Variants in ARHGAP26 observed in about 807,000 individuals in gnomAD.
ARHGAP26 encodes the protein rho GTPase-activating protein 26.
ARHGAP26 carries 38 observed loss-of-function variants against 104.8 expected under a neutral mutation model. The observed-to-expected ratio is 0.36, with a 90% CI of 0.28 to 0.48. ARHGAP26 has a LOEUF of 0.48. ARHGAP26 is among the 20% of genes least tolerant of loss of function. ARHGAP26 has a pLI of 0.99. For missense variants in ARHGAP26, 704 were observed against 947.9 expected (o/e 0.74, Z 3.38); for synonymous variants, 341 against 340.0 (o/e 1.00, Z -0.03).
At chr5:143,097,779 G>A (rs1049872347) in intron 17 of ARHGAP26, among the ~76,000 whole-genome samples, 7 of 137,778 alleles carry the variant, frequency 5.1e-5, no homozygotes, top group Non-Finnish European at 1.1e-4. Context: ...CCAAGATTGC[G>A]CCACTGCATG....
At chr5:142,825,273 G>A (rs1331475470) in intron 1 of ARHGAP26, among the ~76,000 whole-genome samples, 1 of 152,220 alleles carries the variant, frequency 6.6e-6, no homozygotes, top group Non-Finnish European at 1.5e-5. Flanking sequence ...TGCTACTACT[G>A]CCATCCTTAT....
At chr5:142,777,703 T>A (rs768363371) in intron 1 of ARHGAP26, among the ~76,000 whole-genome samples, 37 of 152,060 alleles carry the variant, frequency 2.4e-4, no homozygotes, top group Admixed American at 1.4e-3. Context: ...GAGTAATGGC[T>A]TTTTGGATGG....
rs140090684 is a variant in ARHGAP26 at position 142,886,250 on chromosome 5, T to G, written c.486+851T>G. ...CCGGCCCTTTTTTTAAAATTTTAAT[T>G]CTTTTTGAACAGATACCATGCCAGT... On this transcript the variant is annotated intron_variant, in intron 5 of 22. Coordinates refer to ENST00000645722, the MANE Select transcript of ARHGAP26 (RefSeq NM_001135608.3). 4.2e-4 allele frequency among the ~76,000 whole-genome samples: 64 copies of G among 152,302 alleles called. No individual in the cohort carries two copies. In the East Asian group the frequency reaches 7.7e-3, roughly 18 times the overall value.
At chr5:143,213,848 T>A in intron 21 of ARHGAP26, 149 bp from the exon 22 acceptor site, 1 of 462,894 alleles carries the variant, frequency 2.2e-6, no homozygotes, top group African/African-American at 1.9e-5. Context: ...CTTTCCCACC[T>A]CATGTCTTGC....
intron 11 of ARHGAP26, among the ~76,000 whole-genome samples, chr5:142,986,931 G>A (rs1774832123): frequency 6.6e-6 from 1 of 152,176 alleles, no homozygotes; most frequent in African/African-American, 2.4e-5. Flanking sequence ...TTGAAATCAG[G>A]TAGTGTGATG....
At chr5:143,022,673 A>G (rs12654456) in intron 12 of ARHGAP26, among the ~76,000 whole-genome samples, 25,265 of 152,124 alleles carry the variant, frequency 0.17, 2,717 homozygotes, top group East Asian at 0.38. Flanking sequence ...GAGAGGGAGC[A>G]TGAAAGTGTC....
intron 20 of ARHGAP26, among the ~76,000 whole-genome samples, chr5:143,160,952 G>A (rs6897891): frequency 0.18 from 27,298 of 151,396 alleles, 2,588 homozygotes; most frequent in Non-Finnish European, 0.21. Context: ...CTGAGCTCTC[G>A]CTCAGGAAGC....
At chr5:142,891,409 G>A (rs1758643764) in intron 5 of ARHGAP26, among the ~76,000 whole-genome samples, 1 of 151,982 alleles carries the variant, frequency 6.6e-6, no homozygotes, top group South Asian at 2.1e-4. Flanking sequence ...TGCTGTGGGA[G>A]GAAGTTGCTA....
At chr5:143,141,769 C>G (rs1302699756) in intron 19 of ARHGAP26, among the ~76,000 whole-genome samples, 2 of 152,190 alleles carry the variant, frequency 1.3e-5, no homozygotes, top group Admixed American at 1.3e-4. Context: ...GTGAGTAATA[C>G]AGTGTCCATT....
chr5:143,165,090 G>A (rs1187831140), intron 20 of ARHGAP26: 1 of 152,210 alleles, frequency 6.6e-6, no homozygotes, highest in African/African-American at 2.4e-5. Flanking sequence ...CCCGTGTGCC[G>A]AACTAGGAAG....
chr5:143,213,702 C>T (rs913017946), intron 21 of ARHGAP26, among the ~76,000 whole-genome samples: 7 of 152,186 alleles, frequency 4.6e-5, no homozygotes, highest in Admixed American at 1.3e-4. Flanking sequence ...CCCAGCCTGC[C>T]CTCCCGCTGT....
intron 11 of ARHGAP26, among the ~76,000 whole-genome samples, chr5:142,953,479 G>C (rs1272810243): frequency 2.0e-5 from 3 of 152,034 alleles, no homozygotes; most frequent in Admixed American, 1.3e-4. Context: ...TACAGATGTG[G>C]TCCATCGTAG....
rs188364076 is a variant in ARHGAP26 at position 143,082,323 on chromosome 5, G to C, written c.1538+24576G>C. Reference sequence around the variant, plus strand: ...CTCTCTGGACTGTCACAAAAATATGGAGTTGTGTTTACTGTTCCCATCCAG... The same window carrying C: ...CTCTCTGGACTGTCACAAAAATATGCAGTTGTGTTTACTGTTCCCATCCAG... On this transcript the variant is annotated intron_variant, in intron 17 of 22. Transcript: ENST00000645722. 2.6e-5 allele frequency among the ~76,000 whole-genome samples: 4 copies of C among 152,246 alleles called. No homozygotes were observed. In the East Asian group the frequency reaches 7.7e-4, roughly 29 times the overall value.
At chr5:143,021,518 G>T (rs56274884) in intron 12 of ARHGAP26, among the ~76,000 whole-genome samples, 9,312 of 152,160 alleles carry the variant, frequency 0.061, 946 homozygotes, top group African/African-American at 0.21. Flanking sequence ...TTCTCTTTGG[G>T]TAGATTCCGC....
intron 11 of ARHGAP26, among the ~76,000 whole-genome samples, chr5:142,994,658 A>G (rs1776130692): frequency 1.3e-5 from 2 of 152,198 alleles, no homozygotes; most frequent in East Asian, 1.9e-4. Context: ...TAGATATGGG[A>G]GTGAAAAGAC....
chr5:142,975,753 G>A (rs2152713486), intron 11 of ARHGAP26, among the ~76,000 whole-genome samples: 1 of 152,256 alleles, frequency 6.6e-6, no homozygotes, highest in African/African-American at 2.4e-5. Context: ...CTTAATAAAG[G>A]ATTTTATAGG....
At chr5:143,126,549 A>G (rs1329638361) in intron 18 of ARHGAP26, among the ~76,000 whole-genome samples, 2 of 152,214 alleles carry the variant, frequency 1.3e-5, no homozygotes, top group African/African-American at 4.8e-5. Context: ...AGAGTTAACC[A>G]TACTGTTCTA....
At chr5:142,983,267 C>T (rs957642926) in intron 11 of ARHGAP26, among the ~76,000 whole-genome samples, 11 of 152,184 alleles carry the variant, frequency 7.2e-5, no homozygotes, top group East Asian at 5.8e-4. Context: ...AGTACAGTGG[C>T]GCAATCTCTG....
chr5:143,044,091 G>A (rs1157370268), intron 14 of ARHGAP26, among the ~76,000 whole-genome samples: 1 of 152,062 alleles, frequency 6.6e-6, no homozygotes, highest in East Asian at 1.9e-4. Context: ...TTTTCTATAG[G>A]AAGTAAGAAA....
Sources: allele counts gnomAD v4.1 joint callset (sites outside exome capture counted in the v4.1 genomes callset), GRCh38; gene constraint gnomAD v4.1.1; transcripts MANE v1.5; gene names NCBI Gene and HGNC (gene_info 2026-07-23, HGNC 2026-07-21).